The following CTNNA3 variants were observed in gnomAD, a reference collection of about 807,000 sequenced individuals.
CTNNA3 encodes the protein catenin alpha-3.
A neutral mutation model predicts 95.7 loss-of-function variants in CTNNA3; 76 were observed. The ratio of observed to expected loss-of-function variants is 0.79; its 90% CI spans 0.66 to 0.96. CTNNA3 has a LOEUF of 0.96. Ranked by LOEUF, CTNNA3 falls within the 40% of genes least tolerant of loss-of-function variation. The probability of loss-of-function intolerance (pLI) is 0.00; values close to 1 mark genes in which losing one functional copy is unlikely to be tolerated. For synonymous variants in CTNNA3, 431 were observed against 374.4 expected, an observed-to-expected ratio of 1.15 and a Z score of -1.74; for missense variants, 1,191 against 1,089.8, an observed-to-expected ratio of 1.09 and a Z score of -1.31.
At chr10:67,741,543 T>C (rs1272281553) in intron 1 of CTNNA3, among the ~76,000 whole-genome samples, 1 of 151,018 alleles carries the variant, frequency 6.6e-6, no homozygotes, top group Non-Finnish European at 1.5e-5. Context: ...TACCAGCTAC[T>C]GCAAAAACAT....
intron 4 of CTNNA3, among the ~76,000 whole-genome samples, chr10:67,529,086 G>A (rs1055122936): frequency 2.0e-5 from 3 of 152,006 alleles, no homozygotes; most frequent in Admixed American, 6.6e-5. Flanking sequence ...TTGAGTTAGC[G>A]ATTCCAGAAT....
intron 7 of CTNNA3, among the ~76,000 whole-genome samples, chr10:67,108,965 ATAAACT>A (rs1301051613): frequency 6.6e-6 from 1 of 152,234 alleles, no homozygotes; most frequent in Non-Finnish European, 1.5e-5. Flanking sequence ...ATTTTATTGA[ATAAACT>A]TAAAGTAATT....
At chr10:67,629,977 C>T (rs1839086921) in intron 2 of CTNNA3, among the ~76,000 whole-genome samples, 3 of 152,138 alleles carry the variant, frequency 2.0e-5, no homozygotes, top group African/African-American at 7.2e-5. Flanking sequence ...GTCAACTCCT[C>T]AAAAAGAGGA....
intron 7 of CTNNA3, among the ~76,000 whole-genome samples, chr10:66,913,986 C>T (rs1451848689): frequency 3.9e-5 from 6 of 152,178 alleles, no homozygotes; most frequent in African/African-American, 1.4e-4. Context: ...AGCAGGTGTA[C>T]ATCTTCCATG....
intron 9 of CTNNA3, among the ~76,000 whole-genome samples, chr10:66,732,062 T>A (rs1249567669): frequency 1.3e-5 from 2 of 152,258 alleles, no homozygotes; most frequent in Admixed American, 6.5e-5. Context: ...AACAGCTGTT[T>A]GTAACATCTA....
intron 5 of CTNNA3, among the ~76,000 whole-genome samples, chr10:67,374,767 G>A (rs1257651122): frequency 6.6e-6 from 1 of 152,096 alleles, no homozygotes; most frequent in Admixed American, 6.6e-5. Context: ...AGGGCCTCAG[G>A]GAGAAGAAAC....
At chr10:67,470,973 T>C (rs1847798738) in intron 5 of CTNNA3, among the ~76,000 whole-genome samples, 1 of 151,846 alleles carries the variant, frequency 6.6e-6, no homozygotes, top group African/African-American at 2.4e-5. Context: ...TTTATTTATT[T>C]ATTTATTTAT....
At chr10:67,223,828 C>A (rs1269947758) in intron 5 of CTNNA3, among the ~76,000 whole-genome samples, 1 of 152,092 alleles carries the variant, frequency 6.6e-6, no homozygotes, top group African/African-American at 2.4e-5. Flanking sequence ...GGAGGGGAGA[C>A]AAATAAACAC....
At chr10:67,620,419 C>T (rs1843789622) in intron 2 of CTNNA3, among the ~76,000 whole-genome samples, 1 of 152,064 alleles carries the variant, frequency 6.6e-6, no homozygotes, top group Non-Finnish European at 1.5e-5. Flanking sequence ...TAAGCAACAC[C>T]CTCAACCCAA....
At chr10:67,087,611 G>A (rs1341400138) in intron 7 of CTNNA3, among the ~76,000 whole-genome samples, 1 of 151,770 alleles carries the variant, frequency 6.6e-6, no homozygotes, top group African/African-American at 2.4e-5. Context: ...AAATAAAGTG[G>A]ATCTCAAACA....
At chr10:66,044,273 G>A (rs984837940) in intron 15 of CTNNA3, among the ~76,000 whole-genome samples, 4 of 152,192 alleles carry the variant, frequency 2.6e-5, no homozygotes, top group African/African-American at 9.7e-5. Context: ...TTACAGGCAT[G>A]AGCCACTGTG....
At chr10:66,403,351 A>G (rs2093034617) in intron 11 of CTNNA3, among the ~76,000 whole-genome samples, 1 of 152,142 alleles carries the variant, frequency 6.6e-6, no homozygotes, top group South Asian at 2.1e-4. Flanking sequence ...TGACCAGGTA[A>G]TTGATAAAGA....
intron 5 of CTNNA3, among the ~76,000 whole-genome samples, chr10:67,292,058 A>T (rs1839857183): frequency 6.6e-6 from 1 of 151,996 alleles, no homozygotes; most frequent in Non-Finnish European, 1.5e-5. Context: ...GTCTGTCTAG[A>T]CTCTTCTTGG....
rs199933107 is a variant in CTNNA3, at chr10:67,741,359, A to AG, written c.-2+22074dup. Among the ~76,000 whole-genome samples the AG allele has an allele frequency of 1.7e-4, 25 of 147,832 alleles. No homozygotes were observed. In the East Asian group the frequency reaches 4.8e-3, roughly 28 times the overall value. On this transcript the variant is annotated intron_variant, in intron 1 of 17. Coordinates refer to the CTNNA3 transcript ENST00000684154. ...ATAAAAAAAGAACAAAAAAAAAAAA[A>AG]GAAAAGAAAAGAATTTTCAACCCAG...
intron 9 of CTNNA3, among the ~76,000 whole-genome samples, chr10:66,658,383 T>G (rs1036494250): frequency 3.3e-5 from 5 of 152,108 alleles, no homozygotes; most frequent in Non-Finnish European, 7.4e-5. Flanking sequence ...AAGAAATAAA[T>G]AAATAAAAAT....
chr10:67,149,813 C>G (rs1861014647), intron 7 of CTNNA3, among the ~76,000 whole-genome samples: 1 of 152,176 alleles, frequency 6.6e-6, no homozygotes, highest in Admixed American at 6.5e-5. Flanking sequence ...CTGCGCCGAT[C>G]AAACTCTCTT....
chr10:67,056,099 G>A (rs1483234808), intron 7 of CTNNA3, among the ~76,000 whole-genome samples: 1 of 152,016 alleles, frequency 6.6e-6, no homozygotes, highest in African/African-American at 2.4e-5. Flanking sequence ...ACGTTTTTAT[G>A]TCCTCTGAGA....
At chr10:67,340,411 T>C (rs1013822309) in intron 5 of CTNNA3, among the ~76,000 whole-genome samples, 2 of 152,256 alleles carry the variant, frequency 1.3e-5, no homozygotes, top group Admixed American at 6.5e-5. Flanking sequence ...TCCATAGACA[T>C]GGTTTGAATG....
intron 5 of CTNNA3, among the ~76,000 whole-genome samples, chr10:67,299,285 T>G (rs1212043217): frequency 6.6e-6 from 1 of 152,034 alleles, no homozygotes; most frequent in Non-Finnish European, 1.5e-5. Flanking sequence ...ATAATAGCCT[T>G]CATTACATGG....
Sources: gnomAD v4.1 joint callset for allele counts (sites outside exome capture counted in the v4.1 genomes callset) on GRCh38, gnomAD v4.1.1 for gene constraint, MANE v1.5 for transcripts, NCBI Gene and HGNC (gene_info 2026-07-23, HGNC 2026-07-21) for gene names.